Variants in PCID2 observed in about 807,000 individuals in gnomAD.
PCID2 encodes the protein PCI domain containing 2.
In PCID2, 41 loss-of-function variants were observed where a neutral mutation model predicts 61.3. The observed-to-expected ratio is 0.67, with a 90% CI of 0.52 to 0.87. The LOEUF (loss-of-function observed/expected upper bound fraction) is 0.87, where lower values mean the gene tolerates loss of function less well. PCID2 is among the 40% of genes least tolerant of loss of function. The pLI is 0.00. For synonymous variants in PCID2, 187 were observed against 177.8 expected (o/e 1.05, Z -0.41); for missense variants, 392 against 493.4 (o/e 0.79, Z 1.95).
the PCID2 span, chr13:113,170,306 T>TG: frequency 2.0e-6 from 1 of 499,790 alleles, no homozygotes. Flanking sequence ...TGGCGGGGGG[T>TG]GGGGGTGGGG....
At chr13:113,196,987 C>T (rs763854681) in intron 4 of PCID2, 191 bp downstream of exon 4, 38 of 1,459,280 alleles carry the variant, frequency 2.6e-5, no homozygotes, top group South Asian at 2.2e-4. Flanking sequence ...AAGTACTGCA[C>T]GAGTCTTCAG....
chr13:113,205,761 G>A (rs2039762910), intron 1 of PCID2, among the ~76,000 whole-genome samples: 1 of 152,210 alleles, frequency 6.6e-6, no homozygotes, highest in Admixed American at 6.5e-5. Context: ...ACCAGAGTCA[G>A]CAAATCCATA....
intron 9 of PCID2, among the ~76,000 whole-genome samples, chr13:113,182,496 T>C (rs2037731612): frequency 6.6e-6 from 1 of 152,184 alleles, no homozygotes; most frequent in Admixed American, 6.5e-5. Context: ...GTACAAAAAA[T>C]GCATTTTTTC....
intron 6 of PCID2, 117 bp from the exon 7 acceptor site, chr13:113,191,092 C>T: frequency 1.7e-6 from 1 of 572,186 alleles, no homozygotes; most frequent in Non-Finnish European, 3.0e-6. Flanking sequence ...TCCTGGGCTC[C>T]ACTGATCTTC....
chr13:113,204,982 G>A (rs1177293920), intron 1 of PCID2, among the ~76,000 whole-genome samples: 1 of 152,166 alleles, frequency 6.6e-6, no homozygotes, highest in East Asian at 1.9e-4. Context: ...GCCCCAGGAA[G>A]ACTTCCTTGT....
At chr13:113,165,168 C>T in the PCID2 span, 1 of 1,541,744 alleles carries the variant, frequency 6.5e-7, no homozygotes, top group Non-Finnish European at 8.9e-7. Context: ...ATGACTTTCA[C>T]CTCACTTGTC....
In PCID2 at chr13:113,196,207, T is replaced by G; in HGVS notation, c.282A>C (p.Ala94=). 6.2e-7 allele frequency: 1 copy of G among 1,604,046 alleles called. No homozygotes were observed. The highest frequency in any genetic ancestry group is 8.5e-7 in the Non-Finnish European group (1 of 1,172,346). The part of the protein sequence containing the change: ...QTVIVQSFLR[A]FQAHKEENWA... ...AGTTTTCTTCTTTGTGGGCCTGGAA[T>G]GCTCGCAAGAATGATGTACTGTATT... is the stretch of plus-strand genomic sequence containing the variant. The change falls in exon 5 of 14, where the codon GCA becomes GCC. Residue 94 remains alanine (A), a synonymous_variant. Transcript: ENST00000337344.
At position 113,178,292 on chromosome 13, in the gene PCID2, GGGGCAGAAA is replaced by G; in HGVS notation, c.1111-14_1111-6del. On this transcript the variant is annotated splice_region_variant and splice_polypyrimidine_tract_variant and intron_variant, in intron 13 of 13. Transcript: ENST00000337344. ...TATGTAGCCTTTGACGTGTCCCTGC[GGGGCAGAAA>G]GGGAGGAATGCGTTTACATTTTTGG... 6.2e-7 allele frequency: 1 copy of G among 1,607,182 alleles called. No individual in the cohort carries two copies. The highest frequency in any genetic ancestry group is 8.5e-7 in the Non-Finnish European group (1 of 1,174,222).
the PCID2 span, among the ~76,000 whole-genome samples, chr13:113,168,553 G>A: frequency 6.6e-6 from 1 of 152,190 alleles, no homozygotes; most frequent in Non-Finnish European, 1.5e-5. Context: ...GTCCTTACCT[G>A]TGGCACTTTT....
At position 113,208,607 on chromosome 13, in the gene PCID2, G is replaced by C; in HGVS notation, c.28C>G (p.Leu10Val). Reference protein sequence around the residue: MAHITINQYLQQVYEAIDSR... With the variant: MAHITINQYVQQVYEAIDSR... ...CCCCGGCTAGGACCCACCTGCTGCA[G>C]GTACTGGTTAATGGTAATGTGCGCC... is the stretch of plus-strand genomic sequence containing the variant. Residue 10 changes from leucine (L) to valine (V), a missense_variant, in exon 1 of 14, where the codon CTG (leucine) becomes GTG (valine). Leu to Val is a conservative substitution (Grantham distance 32). Coordinates refer to ENST00000337344, the MANE Select transcript of PCID2 (RefSeq NM_001127202.4). 2.5e-6 allele frequency: 4 copies of C among 1,609,110 alleles called. No homozygotes were observed. The highest frequency in any genetic ancestry group is 1.1e-5 in the South Asian group (1 of 90,556).
chr13:113,180,599 G>C (rs2037543111), intron 10 of PCID2, among the ~76,000 whole-genome samples: 1 of 152,188 alleles, frequency 6.6e-6, no homozygotes, highest in Admixed American at 6.5e-5. Flanking sequence ...CAGTTAAATG[G>C]GGTGAGAAGT....
intron 7 of PCID2, among the ~76,000 whole-genome samples, chr13:113,190,140 C>G (rs9549687): frequency 0.043 from 6,433 of 149,342 alleles, 213 homozygotes; most frequent in Non-Finnish European, 0.069. Context: ...AAAATGGGGC[C>G]AAAAGTAGTT....
rs115817432 is a variant in PCID2 at position 113,183,233 on chromosome 13, C to T, written c.685+1113G>A. On this transcript the variant is annotated intron_variant, in intron 9 of 13. Transcript: ENST00000337344. ...AGTCAAACGAAAGGGTTGGATGATA[C>T]AGACTTAAACAAACTTTTTAGCTCT... is the stretch of plus-strand genomic sequence containing the variant. 5.5e-3 allele frequency among the ~76,000 whole-genome samples: 835 copies of T among 152,244 alleles called. 10 individuals carry two copies. The highest frequency in any genetic ancestry group is 0.019 in the African/African-American group (801 of 41,532).
rs1243129946 is a variant in PCID2, at chr13:113,178,269, T to C, written c.1129A>G (p.Ile377Val). 21 of 1,613,568 alleles carry C rather than the reference T, an allele frequency of 1.3e-5. No homozygotes were observed. Among genetic ancestry groups the C allele is most frequent in the Non-Finnish European group, 1.7e-5 (20 of 1,179,682 alleles). Residue 377 changes from isoleucine to valine, a missense_variant, in exon 14 of 14, where the codon ATA (isoleucine) becomes GTA (valine). By Grantham distance (29) the Ile-to-Val change is conservative. Coordinates refer to ENST00000337344, the MANE Select transcript of PCID2 (RefSeq NM_001127202.4). Reference sequence around the variant, plus strand: ...ACCAGCTTCTGATGCTGATGCGATATGTAGCCTTTGACGTGTCCCTGCGGG... The same window carrying C: ...ACCAGCTTCTGATGCTGATGCGATACGTAGCCTTTGACGTGTCCCTGCGGG... ...LIYMGHVKGY[I>V]SHQHQKLVVS... is the part of the protein sequence containing the mutation.
In PCID2 at chr13:113,180,156, A is replaced by AC; in HGVS notation, c.860+1dup. 1 of 1,613,786 alleles carries AC rather than the reference A, an allele frequency of 6.2e-7. No individual in the cohort carries two copies. The highest frequency in any genetic ancestry group is 1.3e-5 in the African/African-American group (1 of 74,988). On this transcript the variant is annotated splice_donor_variant, in intron 11 of 13. Transcript: ENST00000337344. LOFTEE classifies it high-confidence loss of function. Reference sequence around the variant, plus strand: ...CCAAACAGGAAGGATGGCATACTCTACCTCACAGCTCTGGTTACTTCCGCA... The same window carrying AC: ...CCAAACAGGAAGGATGGCATACTCTACCCTCACAGCTCTGGTTACTTCCGCA...
chr13:113,174,714 G>C (rs1456736419), downstream of PCID2, among the ~76,000 whole-genome samples: 2 of 152,164 alleles, frequency 1.3e-5, no homozygotes, highest in African/African-American at 2.4e-5. Flanking sequence ...GAACTCCAGG[G>C]CTCAAGCAAT....
the PCID2 span, chr13:113,165,031 C>G: frequency 6.2e-7 from 1 of 1,612,592 alleles, no homozygotes; most frequent in African/African-American, 1.3e-5. Context: ...TTTTTATTCT[C>G]ATGTTGCTGC....
At chr13:113,174,848 T>C (rs972512979), downstream of PCID2, among the ~76,000 whole-genome samples, 1 of 152,206 alleles carries the variant, frequency 6.6e-6, no homozygotes, top group Non-Finnish European at 1.5e-5. Flanking sequence ...AGTCCAATAT[T>C]TGAATCCATG....
intron 1 of PCID2, among the ~76,000 whole-genome samples, chr13:113,201,554 G>A (rs974367912): frequency 6.6e-6 from 1 of 152,138 alleles, no homozygotes; most frequent in Non-Finnish European, 1.5e-5. Flanking sequence ...GCTCACGCCT[G>A]TAATCCCAGC....
Sources: gnomAD v4.1 joint callset for allele counts (sites outside exome capture counted in the v4.1 genomes callset) on GRCh38, gnomAD v4.1.1 for gene constraint, MANE v1.5 for transcripts, NCBI Gene and HGNC (gene_info 2026-07-23, HGNC 2026-07-21) for gene names.